KLHL24: variants seen among roughly 807,000 people sequenced by gnomAD.
KLHL24 encodes the protein kelch like family member 24.
In KLHL24, 29 loss-of-function variants were observed where a neutral mutation model predicts 53.4. The ratio of observed to expected loss-of-function variants is 0.54; its 90% CI spans 0.40 to 0.74. KLHL24 has a LOEUF of 0.74. Ranked by LOEUF, KLHL24 falls within the 30% of genes least tolerant of loss-of-function variation. The probability of loss-of-function intolerance (pLI) is 0.00; values close to 1 mark genes in which losing one functional copy is unlikely to be tolerated. For missense variants in KLHL24, 504 were observed against 744.0 expected (o/e 0.68, Z 3.75); for synonymous variants, 222 against 253.7 (o/e 0.88, Z 1.19).
chr3:183,669,821 C>T (rs1721092269), intron 5 of KLHL24, among the ~76,000 whole-genome samples: 1 of 151,994 alleles, frequency 6.6e-6, no homozygotes, highest in Admixed American at 6.5e-5. Flanking sequence ...TGTTGTGGAC[C>T]CTCAAGTGGG....
chr3:183,639,629 C>CAA (rs767908911), intron 1 of KLHL24, among the ~76,000 whole-genome samples: 91 of 39,188 alleles, frequency 2.3e-3, no homozygotes, highest in African/African-American at 4.0e-3. Context: ...GACTCTGTCT[C>CAA]AAAAAAAAAA....
In KLHL24 at chr3:183,650,718, T is replaced by A; in HGVS notation, c.362T>A (p.Leu121Ter). The A allele has an allele frequency of 1.2e-6, 2 of 1,614,030 alleles. No individual in the cohort carries two copies. Among genetic ancestry groups the A allele is most frequent in the Non-Finnish European group, 1.7e-6 (2 of 1,179,968 alleles). Residue 121 changes from leucine (L) to a stop codon, truncating the protein, a stop_gained, in exon 3 of 8, where the codon TTG becomes TAG. Coordinates refer to ENST00000242810, the MANE Select transcript of KLHL24 (RefSeq NM_017644.3). LOFTEE classifies it high-confidence loss of function. The surrounding 1 kb of genome is among the most constrained non-coding windows in gnomAD (Gnocchi z 4.5). ...GILAEAMECF[L>*]QYVYTGKVKI... The stretch of plus-strand genomic sequence containing the variant: ...TTAGCTGAAGCTATGGAATGTTTTT[T>A]GCAGTATGTTTATACTGGAAAGGTG...
chr3:183,661,261 T>G (rs1452674557), intron 3 of KLHL24, among the ~76,000 whole-genome samples: 1 of 151,732 alleles, frequency 6.6e-6, no homozygotes, highest in Non-Finnish European at 1.5e-5. Flanking sequence ...AAAAAAAGAA[T>G]TAATGAAATA....
intron 1 of KLHL24, among the ~76,000 whole-genome samples, chr3:183,638,238 T>C (rs1441397983): frequency 1.3e-5 from 2 of 152,226 alleles, no homozygotes; most frequent in African/African-American, 4.8e-5. Flanking sequence ...AACCTAAGTC[T>C]CTAAACAGGA....
intron 7 of KLHL24, among the ~76,000 whole-genome samples, chr3:183,677,957 A>G (rs962108033): frequency 6.6e-6 from 1 of 151,952 alleles, no homozygotes; most frequent in African/African-American, 2.4e-5. Context: ...ACGTCCAGCT[A>G]ATTTTTTGTA....
At chr3:183,664,867 G>A in intron 4 of KLHL24, 54 bp from the exon 5 acceptor site, 3 of 958,326 alleles carry the variant, frequency 3.1e-6, no homozygotes, top group Non-Finnish European at 4.8e-6. Flanking sequence ...CAGATCTCTT[G>A]GTGACAGCTA....
intron 2 of KLHL24, among the ~76,000 whole-genome samples, chr3:183,645,497 G>A (rs573142431): frequency 1.3e-5 from 2 of 152,206 alleles, no homozygotes; most frequent in East Asian, 3.9e-4. Context: ...CAAATATATG[G>A]GCAACTGTAA....
chr3:183,641,908 A>C (rs1455989468), intron 1 of KLHL24, among the ~76,000 whole-genome samples: 1 of 152,116 alleles, frequency 6.6e-6, no homozygotes, highest in Non-Finnish European at 1.5e-5. Context: ...ACCCTTACCG[A>C]TTAGGTTGGT....
chr3:183,663,587 AT>A lies in KLHL24; in HGVS notation c.1053del (p.Phe351LeufsTer11). 6.2e-7 allele frequency: 1 copy of A among 1,607,774 alleles called. No homozygotes were observed. The highest frequency in any genetic ancestry group is 8.5e-7 in the Non-Finnish European group (1 of 1,176,390). On this transcript the variant is annotated frameshift_variant, in exon 4 of 8. Transcript: ENST00000242810. LOFTEE classifies it high-confidence loss of function. This position sits in a 1 kb window ranked among gnomAD's most constrained non-coding sequence, Gnocchi z 4.9. ...EWKSLAKLPE[F>X]TKSEYAVCAL... ...GGAAGTCTTTGGCTAAGCTTCCAGA[AT>A]TTACCAAATCAGAGTATGCAGTCTG...
intron 7 of KLHL24, among the ~76,000 whole-genome samples, chr3:183,674,039 A>G (rs1721726704): frequency 1.3e-5 from 2 of 152,214 alleles, no homozygotes; most frequent in South Asian, 2.1e-4. Flanking sequence ...TATATTTCCA[A>G]TTAACCTAGA....
intron 2 of KLHL24, among the ~76,000 whole-genome samples, chr3:183,644,967 G>T (rs1717018390): frequency 6.6e-6 from 1 of 152,152 alleles, no homozygotes; most frequent in South Asian, 2.1e-4. Context: ...TTCCATTGTT[G>T]TTAATACCAA....
intron 3 of KLHL24, among the ~76,000 whole-genome samples, chr3:183,659,159 A>G (rs546068559): frequency 2.0e-5 from 3 of 152,092 alleles, no homozygotes; most frequent in South Asian, 2.1e-4. Flanking sequence ...TCTGCAATCC[A>G]TTGAACTCTA....
At chr3:183,639,622 T>C in intron 1 of KLHL24, among the ~76,000 whole-genome samples, 1 of 113,448 alleles carries the variant, frequency 8.8e-6, no homozygotes. Context: ...AGAGCAAGAC[T>C]CTGTCTCAAA....
intron 3 of KLHL24, among the ~76,000 whole-genome samples, chr3:183,658,395 A>T (rs1308730007): frequency 6.6e-6 from 1 of 152,106 alleles, no homozygotes; most frequent in Admixed American, 6.6e-5. Flanking sequence ...GAACATTTCA[A>T]ACTTGTTCTT....
intron 5 of KLHL24, among the ~76,000 whole-genome samples, chr3:183,665,428 CTT>C (rs746509682): frequency 1.3e-5 from 2 of 152,146 alleles, no homozygotes; most frequent in Admixed American, 6.6e-5. Flanking sequence ...TGTATTTTAT[CTT>C]TTTTATTTTA....
At chr3:183,638,375 A>G (rs888738635) in intron 1 of KLHL24, among the ~76,000 whole-genome samples, 1 of 152,156 alleles carries the variant, frequency 6.6e-6, no homozygotes, top group Non-Finnish European at 1.5e-5. Flanking sequence ...CTCCCATTTC[A>G]TTAAAACCCA....
intron 3 of KLHL24, among the ~76,000 whole-genome samples, chr3:183,662,425 G>A (rs1157714444): frequency 6.6e-6 from 1 of 152,094 alleles, no homozygotes; most frequent in East Asian, 1.9e-4. Context: ...AGAGAAGAAG[G>A]ATTGTTGGCA....
Position 183,650,626 on chromosome 3 carries a change from C to T in KLHL24, c.270C>T (p.Tyr90=), listed in dbSNP as rs1456808930. 3 of 1,613,998 alleles carry T rather than the reference C, an allele frequency of 1.9e-6. No individual in the cohort carries two copies. The highest frequency in any genetic ancestry group is 1.3e-5 in the African/African-American group (1 of 74,906). The change falls in exon 3 of 8, where the codon TAC becomes TAT. Residue 90 remains tyrosine, a synonymous_variant. Transcript: ENST00000242810. The surrounding 1 kb of genome is among the most constrained non-coding windows in gnomAD (Gnocchi z 4.5). ...CTGTGCTCTCAGCCTGTAGCAGCTA[C>T]TTCAGAGCTATGTTTTGTAATGACC... ...HRAVLSACSS[Y]FRAMFCNDHR...
intron 1 of KLHL24, among the ~76,000 whole-genome samples, chr3:183,638,283 A>G (rs1323710620): frequency 6.6e-6 from 1 of 152,264 alleles, no homozygotes; most frequent in Non-Finnish European, 1.5e-5. Flanking sequence ...GCTGACTACC[A>G]GCTTTAACTT....
Sources: allele counts gnomAD v4.1 joint callset (sites outside exome capture counted in the v4.1 genomes callset), GRCh38; gene constraint gnomAD v4.1.1; non-coding constraint Gnocchi (gnomAD v3.1); transcripts MANE v1.5; gene names NCBI Gene and HGNC (gene_info 2026-07-23, HGNC 2026-07-21).